ITPR1: variants seen among roughly 807,000 people sequenced by gnomAD.
ITPR1 encodes the protein inositol 1,4,5-trisphosphate receptor type 1.
ITPR1 carries 96 observed loss-of-function variants against 318.4 expected under a neutral mutation model. The ratio of observed to expected loss-of-function variants is 0.30; its 90% CI spans 0.26 to 0.36. The LOEUF (loss-of-function observed/expected upper bound fraction) is 0.36, where lower values mean the gene tolerates loss of function less well. Ranked by LOEUF, ITPR1 falls within the 10% of genes least tolerant of loss-of-function variation. ITPR1 has a pLI of 1.00. For missense variants in ITPR1, 2,440 were observed against 3,460.2 expected (o/e 0.71, Z 7.40); for synonymous variants, 1,312 against 1,289.9 (o/e 1.02, Z -0.37).
intron 60 of ITPR1, among the ~76,000 whole-genome samples, chr3:4,819,165 A>G (rs1395800278): frequency 6.6e-6 from 1 of 152,252 alleles, no homozygotes; most frequent in Non-Finnish European, 1.5e-5. Context: ...TCAGATAAGT[A>G]TCATCATTGA....
intron 44 of ITPR1, among the ~76,000 whole-genome samples, chr3:4,763,203 G>T (rs972682668): frequency 3.3e-5 from 5 of 152,080 alleles, no homozygotes; most frequent in African/African-American, 1.2e-4. Flanking sequence ...TCCTGTTGGG[G>T]GAGGCAGGAG....
chr3:4,676,106 C>G (rs1041163194), intron 23 of ITPR1, among the ~76,000 whole-genome samples: 1 of 151,244 alleles, frequency 6.6e-6, no homozygotes, highest in Non-Finnish European at 1.5e-5. Flanking sequence ...TTTTGGGAGG[C>G]TGTAGCAGGA....
At chr3:4,628,848 C>G (rs981998152) in intron 5 of ITPR1, among the ~76,000 whole-genome samples, 2 of 152,224 alleles carry the variant, frequency 1.3e-5, no homozygotes, top group African/African-American at 4.8e-5. Context: ...AGTTGAAGAC[C>G]TAGAGCATCT....
chr3:4,570,069 C>G (rs897608352), intron 4 of ITPR1, among the ~76,000 whole-genome samples: 5 of 152,098 alleles, frequency 3.3e-5, no homozygotes, highest in Non-Finnish European at 5.9e-5. Flanking sequence ...TTTTTACACT[C>G]ATACTTTGAG....
At position 4,615,439 on chromosome 3, in the gene ITPR1, C is replaced by T. The variant is rs1268238903; in HGVS notation, c.164-12324C>T. On this transcript the variant is annotated intron_variant, in intron 4 of 61. Coordinates refer to ENST00000649015, the MANE Select transcript of ITPR1 (RefSeq NM_001378452.1). The stretch of plus-strand genomic sequence containing the variant: ...TTGCCCAGGCTGGAGTGCAATGGCA[C>T]GATCTCGTCTCACTGCAACCCCTGC... 4.7e-5 allele frequency among the ~76,000 whole-genome samples: 7 copies of T among 148,878 alleles called. No homozygotes were observed. In the East Asian group the frequency reaches 5.9e-4, roughly 13 times the overall value.
chr3:4,832,429 T>G (rs1006627785), intron 60 of ITPR1, among the ~76,000 whole-genome samples: 3 of 152,164 alleles, frequency 2.0e-5, no homozygotes, highest in Admixed American at 6.5e-5. Flanking sequence ...AGGTGGTGGT[T>G]GGATCACCTG....
intron 7 of ITPR1, 119 bp from the exon 8 acceptor site, chr3:4,644,017 G>C: frequency 1.5e-6 from 1 of 677,822 alleles, no homozygotes; most frequent in Admixed American, 2.1e-5. Context: ...CTTTATACTT[G>C]CTGGGGATAG....
Position 4,746,570 on chromosome 3 carries a change from A to T in ITPR1, c.5544+11216A>T, listed in dbSNP as rs142536703. Among the ~76,000 whole-genome samples the T allele has an allele frequency of 4.3e-4, 66 of 152,254 alleles. 1 individual carries two copies. In the East Asian group the frequency reaches 0.013, roughly 29 times the overall value. On this transcript the variant is annotated intron_variant, in intron 44 of 61. Coordinates refer to ENST00000649015, the MANE Select transcript of ITPR1 (RefSeq NM_001378452.1). Reference sequence around the variant, plus strand: ...AGAGATAATGGGTTGTGCTTCATTTACTGTAGTAATGACCACACTTCAACT... The same window carrying T: ...AGAGATAATGGGTTGTGCTTCATTTTCTGTAGTAATGACCACACTTCAACT...
intron 24 of ITPR1, among the ~76,000 whole-genome samples, chr3:4,680,195 T>C (rs1339914529): frequency 6.6e-6 from 1 of 152,204 alleles, no homozygotes; most frequent in Non-Finnish European, 1.5e-5. Context: ...GCAACTTCAC[T>C]CTTTTCAGTG....
intron 60 of ITPR1, chr3:4,825,853 G>A (rs1322392418): frequency 2.2e-6 from 1 of 455,532 alleles, no homozygotes; most frequent in East Asian, 7.0e-5. Context: ...GCTGGTGGGA[G>A]GAGAGTTTCC....
At chr3:4,730,302 G>C (rs2042822158) in intron 42 of ITPR1, among the ~76,000 whole-genome samples, 2 of 146,070 alleles carry the variant, frequency 1.4e-5, no homozygotes, top group Non-Finnish European at 3.0e-5. Flanking sequence ...TGTGTGTATA[G>C]AGAAGGTGAG....
At chr3:4,752,201 GT>G (rs2044584456) in intron 44 of ITPR1, among the ~76,000 whole-genome samples, 1 of 152,100 alleles carries the variant, frequency 6.6e-6, no homozygotes, top group Non-Finnish European at 1.5e-5. Context: ...TCACCATATG[GT>G]ATTTGAGAAA....
chr3:4,529,467 T>C (rs2083242486), intron 4 of ITPR1, among the ~76,000 whole-genome samples: 1 of 152,222 alleles, frequency 6.6e-6, no homozygotes, highest in Non-Finnish European at 1.5e-5. Flanking sequence ...ACTTTTTCTT[T>C]TGGCAAAGGG....
chr3:4,802,026 T>G (rs1318758398), intron 54 of ITPR1, among the ~76,000 whole-genome samples: 1 of 152,172 alleles, frequency 6.6e-6, no homozygotes, highest in Non-Finnish European at 1.5e-5. Flanking sequence ...GCAACTGGAC[T>G]TCATCCCCCA....
At chr3:4,602,302 T>A (rs746269623) in intron 4 of ITPR1, among the ~76,000 whole-genome samples, 1 of 152,104 alleles carries the variant, frequency 6.6e-6, no homozygotes, top group Non-Finnish European at 1.5e-5. Flanking sequence ...GGTGGATTGC[T>A]TGGGCCCAGG....
chr3:4,679,435 G>A (rs898842911), intron 24 of ITPR1, among the ~76,000 whole-genome samples: 1 of 152,194 alleles, frequency 6.6e-6, no homozygotes, highest in African/African-American at 2.4e-5. Context: ...GGGAGCTGAA[G>A]GTGTAACTCT....
chr3:4,706,421 C>T (rs991402811), intron 37 of ITPR1, 70 bp downstream of exon 37: 2 of 1,371,410 alleles, frequency 1.5e-6, no homozygotes, highest in Non-Finnish European at 2.0e-6. Context: ...AGCAGTGCAT[C>T]CTTGAGCCAC....
intron 59 of ITPR1, among the ~76,000 whole-genome samples, chr3:4,816,455 G>A (rs1345362454): frequency 2.0e-5 from 3 of 152,060 alleles, no homozygotes; most frequent in Admixed American, 1.3e-4. Flanking sequence ...CTAGTATCTC[G>A]GCTCACTGTA....
At chr3:4,698,711 C>A (rs1158669492) in intron 34 of ITPR1, among the ~76,000 whole-genome samples, 1 of 152,156 alleles carries the variant, frequency 6.6e-6, no homozygotes, top group Non-Finnish European at 1.5e-5. Context: ...TAATATCATT[C>A]TTGGAATATG....
Sources: allele counts gnomAD v4.1 joint callset (sites outside exome capture counted in the v4.1 genomes callset), GRCh38; gene constraint gnomAD v4.1.1; transcripts MANE v1.5; gene names NCBI Gene and HGNC (gene_info 2026-07-23, HGNC 2026-07-21).